Variants in ZNF700 observed in about 807,000 individuals in gnomAD.
ZNF700 encodes the protein zinc finger protein 700.
Under a neutral mutation model 65.3 loss-of-function variants are expected in ZNF700, and 38 were observed. The ratio of observed to expected loss-of-function variants is 0.58; its 90% CI spans 0.45 to 0.76. ZNF700 has a LOEUF of 0.76. Ranked by LOEUF, ZNF700 falls within the 30% of genes least tolerant of loss-of-function variation. ZNF700 has a pLI of 0.00. For synonymous variants in ZNF700, 285 were observed against 290.4 expected (o/e 0.98, Z 0.19); for missense variants, 857 against 888.4 (o/e 0.96, Z 0.45).
chr19:11,935,118 G>T (rs944497920), intron 1 of ZNF700, among the ~76,000 whole-genome samples: 4 of 142,142 alleles, frequency 2.8e-5, no homozygotes, highest in African/African-American at 8.6e-5. Flanking sequence ...GGAGCTTGCA[G>T]TGGGCCGAGA....
At chr19:11,927,534 C>A (rs987193257) in intron 1 of ZNF700, among the ~76,000 whole-genome samples, 1 of 152,052 alleles carries the variant, frequency 6.6e-6, no homozygotes, top group Non-Finnish European at 1.5e-5. Context: ...AGTGGAGGAA[C>A]GTACTGTCTT....
chr19:11,935,522 G>A (rs1282233084), intron 1 of ZNF700, among the ~76,000 whole-genome samples: 2 of 152,016 alleles, frequency 1.3e-5, no homozygotes, highest in African/African-American at 4.8e-5. Flanking sequence ...ATGAGCCACT[G>A]TGCCTGGCTT....
chr19:11,947,607 C>G lies in ZNF700; in HGVS notation c.251+33C>G, dbSNP rs202044653. On this transcript the variant is annotated intron_variant, in intron 3 of 3. Coordinates refer to ENST00000254321, the MANE Select transcript of ZNF700 (RefSeq NM_144566.3). ...GCATTTCCAAGAGAAAGCAGTGTCTCTCTGCACAATCTTAGAATATGAGAA... is the reference window on the plus strand; with the variant it reads ...GCATTTCCAAGAGAAAGCAGTGTCTGTCTGCACAATCTTAGAATATGAGAA... The G allele has an allele frequency of 9.3e-5, 146 of 1,575,050 alleles. 1 individual carries two copies. The highest frequency in any genetic ancestry group is 1.2e-4 in the Non-Finnish European group (139 of 1,147,942).
In ZNF700 at chr19:11,949,660, AGATGTTGCAATTCCCTTC is replaced by A. The variant is rs1973028460; in HGVS notation, c.1640_1657del (p.Cys547_Arg552del). ...ATGCAACCAATGTGGTAAAGCCTTC[AGATGTTGCAATTCCCTTC>A]GATATCATGAAAGGACTCACACTGG... is the stretch of plus-strand genomic sequence containing the variant. On this transcript the variant is annotated inframe_deletion, in exon 4 of 4. Transcript: ENST00000254321. The A allele has an allele frequency of 6.2e-7, 1 of 1,613,610 alleles. No individual in the cohort carries two copies. The highest frequency in any genetic ancestry group is 8.5e-7 in the Non-Finnish European group (1 of 1,179,934).
rs905487428 is a variant in ZNF700, at chr19:11,935,242, T to G, written c.63+9969T>G. Among the ~76,000 whole-genome samples the G allele has an allele frequency of 2.2e-4, 31 of 140,710 alleles. 1 individual carries two copies. Among genetic ancestry groups the G allele is most frequent in the African/African-American group, 7.6e-4 (28 of 36,890 alleles). 92.3% of individuals were successfully genotyped at this position (140,710 alleles called of 152,430 possible). On this transcript the variant is annotated intron_variant, in intron 1 of 3. Coordinates refer to ENST00000254321, the MANE Select transcript of ZNF700 (RefSeq NM_144566.3). ...TACTTGGAAAGATCTTGTTTTTTTT[T>G]TTTTTTTTTTTTGAGACTGTGTCTG...
At position 11,947,858 on chromosome 19, in the gene ZNF700, G is replaced by T. The variant is rs571185796; in HGVS notation, c.251+284G>T. On this transcript the variant is annotated intron_variant, in intron 3 of 3. Transcript: ENST00000254321. ...ACATATCAACAACAGCAAAAAATTA[G>T]CTGGGCATTGTGGTGTGTATGCATC... Among the ~76,000 whole-genome samples, 13 of 152,224 alleles carry T rather than the reference G, an allele frequency of 8.5e-5. No individual in the cohort carries two copies. The East Asian group carries it at 1.9e-3, about 23-fold the overall frequency.
In ZNF700 at chr19:11,950,200, C is replaced by G; in HGVS notation, c.2176C>G (p.His726Asp). The change falls in exon 4 of 4, where the codon CAT becomes GAT. Residue 726 changes from histidine (H) to aspartate (D), a missense_variant. His to Asp is a moderately conservative substitution (Grantham distance 81, BLOSUM62 -1). Around this residue, in one of 3 missense-constraint regions of ZNF700, gnomAD observed 251 missense variants for 250.3 expected, o/e 1.00. Transcript: ENST00000254321. ...FSSLHIHART[H>D]MGEKPYECKD... is the part of the protein sequence containing the mutation. ...TTCCTTGCATATACACGCAAGGACT[C>G]ATATGGGAGAGAAGCCATATGAATG... The G allele has an allele frequency of 6.2e-7, 1 of 1,613,400 alleles. No homozygotes were observed. Among genetic ancestry groups the G allele is most frequent in the Non-Finnish European group, 8.5e-7 (1 of 1,179,842 alleles).
intron 1 of ZNF700, among the ~76,000 whole-genome samples, chr19:11,936,264 C>T (rs1322148085): frequency 6.6e-6 from 1 of 152,188 alleles, no homozygotes; most frequent in Non-Finnish European, 1.5e-5. Flanking sequence ...AATCGCCACA[C>T]TGTCTTCCAC....
intron 1 of ZNF700, among the ~76,000 whole-genome samples, chr19:11,926,134 A>T (rs1323487240): frequency 6.6e-6 from 1 of 152,126 alleles, no homozygotes; most frequent in East Asian, 1.9e-4. Flanking sequence ...CAGAAAACAG[A>T]CCTGTTTCTC....
At chr19:11,925,651 C>A (rs1300809880) in intron 1 of ZNF700, among the ~76,000 whole-genome samples, 1 of 152,184 alleles carries the variant, frequency 6.6e-6, no homozygotes, top group East Asian at 1.9e-4. Flanking sequence ...GGCCCCCAGT[C>A]CCCACTTTCT....
chr19:11,949,511 A>G lies in ZNF700; in HGVS notation c.1487A>G (p.Glu496Gly), dbSNP rs1412924723. 1.3e-5 allele frequency: 21 copies of G among 1,612,236 alleles called. No homozygotes were observed. The highest frequency in any genetic ancestry group is 1.6e-5 in the Non-Finnish European group (19 of 1,179,648). ...CACCTTCAAATTCATGAAAGGACAG[A>G]AAAACACATAAGAATGCCCTCTGGA... is the stretch of plus-strand genomic sequence containing the variant. ...VKHLQIHERT[E>G]KHIRMPSGER... Residue 496 changes from glutamate to glycine, a missense_variant, in exon 4 of 4, where the codon GAA becomes GGA. By Grantham distance (98) the Glu-to-Gly change is moderately conservative. Around this residue, in one of 3 missense-constraint regions of ZNF700, gnomAD observed 603 missense variants for 619.9 expected, o/e 0.97. Coordinates refer to ENST00000254321, the MANE Select transcript of ZNF700 (RefSeq NM_144566.3).
Position 11,950,269 on chromosome 19 carries a change from G to A in ZNF700, c.*16G>A, listed in dbSNP as rs1181154175. Reference sequence around the variant, plus strand: ...ATTCAGCTAGCCTGGTTCCTTTTATGGACATGAATAGACTCACACTGGAAG... The same window carrying A: ...ATTCAGCTAGCCTGGTTCCTTTTATAGACATGAATAGACTCACACTGGAAG... On this transcript the variant is annotated 3_prime_UTR_variant, in exon 4 of 4. Coordinates refer to ENST00000254321, the MANE Select transcript of ZNF700 (RefSeq NM_144566.3). 1.3e-6 allele frequency: 2 copies of A among 1,594,418 alleles called. No individual in the cohort carries two copies. Among genetic ancestry groups the A allele is most frequent in the Non-Finnish European group, 1.7e-6 (2 of 1,173,300 alleles).
intron 1 of ZNF700, among the ~76,000 whole-genome samples, chr19:11,946,091 G>C (rs567852687): frequency 6.6e-6 from 1 of 152,152 alleles, no homozygotes; most frequent in Non-Finnish European, 1.5e-5. Flanking sequence ...CCTGAGCCTG[G>C]TCCCCCTTAG....
chr19:11,932,660 CAG>C (rs1972731711), intron 1 of ZNF700, among the ~76,000 whole-genome samples: 1 of 121,862 alleles, frequency 8.2e-6, no homozygotes, highest in African/African-American at 3.6e-5. Flanking sequence ...TTTTTTGAGA[CAG>C]AGTCTTGCCC....
rs183868686 is a variant in ZNF700, at chr19:11,936,635, G to C, written c.64-10546G>C. ...TGCAAAAATTTTCTCTCATTCTATAGGTTGCCTGTTCACTTTGATGGTAGT... is the reference window on the plus strand; with the variant it reads ...TGCAAAAATTTTCTCTCATTCTATACGTTGCCTGTTCACTTTGATGGTAGT... On this transcript the variant is annotated intron_variant, in intron 1 of 3. Coordinates refer to ENST00000254321, the MANE Select transcript of ZNF700 (RefSeq NM_144566.3). 2.6e-3 allele frequency among the ~76,000 whole-genome samples: 393 copies of C among 152,186 alleles called. 1 individual carries two copies. The highest frequency in any genetic ancestry group is 0.024 in the Middle Eastern group (7 of 294).
intron 3 of ZNF700, 129 bp from the exon 4 acceptor site, chr19:11,948,147 A>T (rs1346904790): frequency 1.8e-6 from 2 of 1,121,594 alleles, no homozygotes; most frequent in African/African-American, 3.2e-5. Context: ...GTCACCTTCA[A>T]ACGATTCAGA....
intron 1 of ZNF700, among the ~76,000 whole-genome samples, chr19:11,938,103 CTG>C (rs1445160865): frequency 1.5e-4 from 23 of 152,138 alleles, no homozygotes; most frequent in Admixed American, 2.0e-4. Context: ...GAGTCTCACT[CTG>C]TCATCCAGGC....
At chr19:11,934,914 C>G (rs552078560) in intron 1 of ZNF700, among the ~76,000 whole-genome samples, 2 of 147,550 alleles carry the variant, frequency 1.4e-5, no homozygotes, top group African/African-American at 5.3e-5. Context: ...GGTGCGGTGG[C>G]TCACGCCTGT....
Position 11,933,042 on chromosome 19 carries a change from A to G in ZNF700, c.63+7769A>G, listed in dbSNP as rs187913415. On this transcript the variant is annotated intron_variant, in intron 1 of 3. Coordinates refer to ENST00000254321, the MANE Select transcript of ZNF700 (RefSeq NM_144566.3). ...TTTAGTTGATTTTATTATTTAGAACAGTGGTTGTTTACCCAAAACATTGAG... is the reference window on the plus strand; with the variant it reads ...TTTAGTTGATTTTATTATTTAGAACGGTGGTTGTTTACCCAAAACATTGAG... Among the ~76,000 whole-genome samples, 907 of 148,544 alleles carry G rather than the reference A, an allele frequency of 6.1e-3. 39 individuals carry two copies. Among genetic ancestry groups the G allele is most frequent in the Middle Eastern group, 0.014 (4 of 294 alleles).
Sources: allele counts gnomAD v4.1 joint callset (sites outside exome capture counted in the v4.1 genomes callset), GRCh38; gene constraint gnomAD v4.1.1; regional missense constraint gnomAD v4.1.1; transcripts MANE v1.5; gene names NCBI Gene and HGNC (gene_info 2026-07-23, HGNC 2026-07-21).